The following RAPGEF4 variants were observed in gnomAD, a reference collection of about 807,000 sequenced individuals.
RAPGEF4 encodes Rap guanine nucleotide exchange factor 4, also known as RAP guanine-nucleotide-exchange factor (GEF) 4.
In RAPGEF4, 66 loss-of-function variants were observed where a neutral mutation model predicts 147.9. The observed-to-expected ratio is 0.45, with a 90% confidence interval of 0.37 to 0.55. RAPGEF4 has a LOEUF of 0.55. RAPGEF4 is among the 20% of genes least tolerant of loss of function. The pLI is 0.00. For synonymous variants in RAPGEF4, 419 were observed against 442.7 expected (o/e 0.95, Z 0.67); for missense variants, 1,071 against 1,257.3 (o/e 0.85, Z 2.24).
chr2:172,906,108 T>C (rs1699601219), intron 4 of RAPGEF4, among the ~76,000 whole-genome samples: 1 of 152,164 alleles, frequency 6.6e-6, no homozygotes, highest in African/African-American at 2.4e-5. Flanking sequence ...CATCTAGAGG[T>C]TGTGAAAGAA....
chr2:172,978,780 G>A (rs576197780), intron 10 of RAPGEF4, among the ~76,000 whole-genome samples: 182 of 152,314 alleles, frequency 1.2e-3, no homozygotes, highest in African/African-American at 4.3e-3. Context: ...CTATTATCCA[G>A]GAATTCCTAA....
chr2:173,023,844 G>C (rs1281607732), intron 23 of RAPGEF4, among the ~76,000 whole-genome samples: 1 of 152,196 alleles, frequency 6.6e-6, no homozygotes, highest in African/African-American at 2.4e-5. Context: ...AATAACGTAG[G>C]AGGGGCAGCT....
intron 4 of RAPGEF4, among the ~76,000 whole-genome samples, chr2:172,908,957 A>C (rs1268441269): frequency 6.6e-6 from 1 of 152,154 alleles, no homozygotes; most frequent in Non-Finnish European, 1.5e-5. Flanking sequence ...TGTCATTTGA[A>C]GAATTGATTT....
intron 4 of RAPGEF4, among the ~76,000 whole-genome samples, chr2:172,884,714 C>T (rs1696990283): frequency 6.6e-6 from 1 of 152,112 alleles, no homozygotes; most frequent in Admixed American, 6.5e-5. Flanking sequence ...ATGATCTGTG[C>T]CCATGCTGTT....
At chr2:172,811,387 A>G (rs1688005421) in intron 3 of RAPGEF4, among the ~76,000 whole-genome samples, 1 of 152,234 alleles carries the variant, frequency 6.6e-6, no homozygotes, top group Admixed American at 6.5e-5. Context: ...TCTTATCACA[A>G]AATAGGACAT....
At chr2:172,768,864 A>G (rs1046218909) in intron 1 of RAPGEF4, among the ~76,000 whole-genome samples, 1 of 152,214 alleles carries the variant, frequency 6.6e-6, no homozygotes, top group Non-Finnish European at 1.5e-5. Context: ...ATCTCAAACT[A>G]TTTCAGTAAA....
At chr2:172,971,355 T>C (rs1030195885) in intron 10 of RAPGEF4, among the ~76,000 whole-genome samples, 1 of 152,210 alleles carries the variant, frequency 6.6e-6, no homozygotes, top group Non-Finnish European at 1.5e-5. Flanking sequence ...GTAGACACTG[T>C]TTCCCAAATC....
chr2:172,881,262 A>G (rs966653543), intron 4 of RAPGEF4, among the ~76,000 whole-genome samples: 1 of 152,052 alleles, frequency 6.6e-6, no homozygotes, highest in African/African-American at 2.4e-5. Context: ...TCTTTTTTCT[A>G]ATATACTGTG....
At chr2:172,998,867 A>G (rs1693628104) in intron 16 of RAPGEF4, among the ~76,000 whole-genome samples, 1 of 152,208 alleles carries the variant, frequency 6.6e-6, no homozygotes, top group South Asian at 2.1e-4. Flanking sequence ...TCAAAAAAAT[A>G]TATATTCTGG....
intron 6 of RAPGEF4, among the ~76,000 whole-genome samples, chr2:172,957,072 T>C (rs1233231205): frequency 6.6e-6 from 1 of 152,182 alleles, no homozygotes; most frequent in African/African-American, 2.4e-5. Flanking sequence ...GCAATTCCAG[T>C]TATTGGCTGT....
At chr2:172,921,056 A>G (rs1684702761) in intron 5 of RAPGEF4, among the ~76,000 whole-genome samples, 1 of 151,758 alleles carries the variant, frequency 6.6e-6, no homozygotes, top group African/African-American at 2.4e-5. Context: ...CCCCTCCTGC[A>G]TTCTGTACTA....
At chr2:172,885,964 G>A (rs374261651) in intron 4 of RAPGEF4, among the ~76,000 whole-genome samples, 3 of 152,270 alleles carry the variant, frequency 2.0e-5, no homozygotes, top group South Asian at 4.2e-4. Context: ...ACTTCAGTAT[G>A]TCTGAGACCA....
chr2:173,003,092 C>T (rs7604734), intron 17 of RAPGEF4, among the ~76,000 whole-genome samples: 1 of 151,258 alleles, frequency 6.6e-6, no homozygotes, highest in African/African-American at 2.4e-5. Context: ...GGCCAAGGCC[C>T]GGCATCTTTA....
intron 1 of RAPGEF4, among the ~76,000 whole-genome samples, chr2:172,747,633 T>G (rs1559019954): frequency 6.6e-6 from 1 of 152,044 alleles, no homozygotes; most frequent in Non-Finnish European, 1.5e-5. Context: ...GCCTGGAAAA[T>G]TTTTTATTTT....
rs923348506 is a variant in RAPGEF4, at chr2:172,953,065, C to T, written c.538-7695C>T. Among the ~76,000 whole-genome samples, 9 of 152,170 alleles carry T rather than the reference C, an allele frequency of 5.9e-5. No homozygotes were observed. The East Asian group carries it at 9.7e-4, about 16-fold the overall frequency. On this transcript the variant is annotated intron_variant, in intron 6 of 30. Transcript: ENST00000397081. ...CGTCCGGTTTTACAGACTCACCATG[C>T]AGTCTTCTGTATTCTTCAGTCTCTT...
chr2:172,905,577 C>T (rs1699539665), intron 4 of RAPGEF4, among the ~76,000 whole-genome samples: 1 of 152,178 alleles, frequency 6.6e-6, no homozygotes, highest in Admixed American at 6.5e-5. Context: ...GGGGCTTTGT[C>T]CACAACTTTA....
chr2:172,866,139 C>CT (rs1187991431), intron 4 of RAPGEF4, among the ~76,000 whole-genome samples: 2 of 152,072 alleles, frequency 1.3e-5, no homozygotes, highest in Non-Finnish European at 2.9e-5. Context: ...AAAACAAAAC[C>CT]TTCATCTTCC....
chr2:172,744,713 G>A (rs147753217), intron 1 of RAPGEF4, among the ~76,000 whole-genome samples: 1 of 152,074 alleles, frequency 6.6e-6, no homozygotes, highest in African/African-American at 2.4e-5. Flanking sequence ...GGAATGCCAG[G>A]ACAAAATTGA....
rs1444281273 is a variant in RAPGEF4, at chr2:173,018,818, C to G, written c.2155+16C>G. The G allele has an allele frequency of 6.2e-7, 1 of 1,611,180 alleles. No individual in the cohort carries two copies. The highest frequency in any genetic ancestry group is 8.5e-7 in the Non-Finnish European group (1 of 1,178,648). On this transcript the variant is annotated intron_variant, in intron 22 of 30. Transcript: ENST00000397081. ...TCCGGAGGAGGTAACAGTCTTAATTCATATTTTAGGCTCTGCAAAATGGGA... is the reference window on the plus strand; with the variant it reads ...TCCGGAGGAGGTAACAGTCTTAATTGATATTTTAGGCTCTGCAAAATGGGA...
Sources: gnomAD v4.1 joint callset for allele counts (sites outside exome capture counted in the v4.1 genomes callset) on GRCh38, gnomAD v4.1.1 for gene constraint, MANE v1.5 for transcripts, NCBI Gene and HGNC (gene_info 2026-07-23, HGNC 2026-07-21) for gene names.